STK32B: variants seen among roughly 807,000 people sequenced by gnomAD.
The protein encoded by STK32B is serine/threonine kinase 32B.
In STK32B, 43 loss-of-function variants were observed where a neutral mutation model predicts 52.6. That is an observed-to-expected ratio of 0.82 (90% confidence interval 0.64 to 1.05). The LOEUF is 1.05. Ranked by LOEUF, STK32B falls within the 50% of genes least tolerant of loss-of-function variation. The pLI is 0.00. For synonymous variants in STK32B, 238 were observed against 204.3 expected, an observed-to-expected ratio of 1.17 and a Z score of -1.41; for missense variants, 621 against 534.6, an observed-to-expected ratio of 1.16 and a Z score of -1.59.
intron 3 of STK32B, among the ~76,000 whole-genome samples, chr4:5,220,643 T>G (rs1181071036): frequency 6.6e-6 from 1 of 152,162 alleles, no homozygotes; most frequent in Non-Finnish European, 1.5e-5. Context: ...ATGTGAGCCT[T>G]AGGAATTTAG....
intron 11 of STK32B, among the ~76,000 whole-genome samples, chr4:5,494,090 T>G (rs1304628802): frequency 6.6e-6 from 1 of 152,186 alleles, no homozygotes; most frequent in African/African-American, 2.4e-5. Context: ...AGATGTCTAT[T>G]AGGTCCACTT....
At chr4:5,192,114 G>A (rs1034864150) in intron 3 of STK32B, among the ~76,000 whole-genome samples, 2 of 152,238 alleles carry the variant, frequency 1.3e-5, no homozygotes, top group Non-Finnish European at 2.9e-5. Context: ...GGCTTCTATT[G>A]TGGAGAACAC....
chr4:5,397,806 T>C (rs1012754783), intron 4 of STK32B, among the ~76,000 whole-genome samples: 2 of 152,214 alleles, frequency 1.3e-5, no homozygotes, highest in Non-Finnish European at 2.9e-5. Flanking sequence ...CAAACCCTCA[T>C]TGAGCTCGAG....
chr4:5,393,017 C>T (rs932631231), intron 4 of STK32B, among the ~76,000 whole-genome samples: 2 of 152,202 alleles, frequency 1.3e-5, no homozygotes, highest in African/African-American at 4.8e-5. Context: ...TTAATTGTCA[C>T]TCAGTTTCTA....
intron 1 of STK32B, among the ~76,000 whole-genome samples, chr4:5,052,712 C>T (rs1741838239): frequency 6.6e-6 from 1 of 152,118 alleles, no homozygotes; most frequent in Non-Finnish European, 1.5e-5. Context: ...ACTAGTAATC[C>T]ACGTGAAAAG....
intron 2 of STK32B, among the ~76,000 whole-genome samples, chr4:5,149,516 C>T (rs187881796): frequency 1.4e-4 from 21 of 151,834 alleles, no homozygotes; most frequent in African/African-American, 4.6e-4. Flanking sequence ...AAAATTGTTG[C>T]TCTAAAGGAT....
At chr4:5,322,620 G>T (rs1452720026) in intron 3 of STK32B, among the ~76,000 whole-genome samples, 1 of 152,228 alleles carries the variant, frequency 6.6e-6, no homozygotes, top group Non-Finnish European at 1.5e-5. Flanking sequence ...GTTTCAAATA[G>T]TTCAAGTGGC....
At chr4:5,094,708 A>G (rs1411983343) in intron 1 of STK32B, among the ~76,000 whole-genome samples, 1 of 152,144 alleles carries the variant, frequency 6.6e-6, no homozygotes, top group Non-Finnish European at 1.5e-5. Context: ...GTGTTAATCT[A>G]TGGTTTATGT....
intron 3 of STK32B, among the ~76,000 whole-genome samples, chr4:5,304,249 A>ATT (rs1199164297): frequency 1.3e-5 from 2 of 152,036 alleles, no homozygotes; most frequent in South Asian, 2.1e-4. Context: ...ATTGCATTGA[A>ATT]TTTGTACATT....
the STK32B span, among the ~76,000 whole-genome samples, chr4:5,024,761 T>C: frequency 3.9e-5 from 6 of 152,210 alleles, no homozygotes; most frequent in African/African-American, 1.2e-4. Context: ...AGCCAGAGTA[T>C]TGGGGACTCT....
At chr4:5,097,988 A>G (rs554392980) in intron 1 of STK32B, among the ~76,000 whole-genome samples, 8 of 152,334 alleles carry the variant, frequency 5.3e-5, no homozygotes, top group African/African-American at 1.9e-4. Context: ...AGTCTATAAC[A>G]GCCTTGGCCG....
chr4:5,387,885 C>T (rs996955951), intron 4 of STK32B, among the ~76,000 whole-genome samples: 1 of 152,158 alleles, frequency 6.6e-6, no homozygotes, highest in Non-Finnish European at 1.5e-5. Flanking sequence ...GCCAGGATTA[C>T]AGGCTCCTGC....
At chr4:5,182,685 C>T (rs974185189) in intron 3 of STK32B, among the ~76,000 whole-genome samples, 8 of 152,142 alleles carry the variant, frequency 5.3e-5, no homozygotes, top group Non-Finnish European at 1.0e-4. Flanking sequence ...TCTCGAACTC[C>T]TGACCTCAGG....
At chr4:5,487,164 A>T (rs1047497335) in intron 11 of STK32B, among the ~76,000 whole-genome samples, 2 of 152,326 alleles carry the variant, frequency 1.3e-5, no homozygotes, top group African/African-American at 2.4e-5. Context: ...TCTCTGTCCC[A>T]TGTTGCAGGG....
chr4:5,295,769 T>A (rs1577306973), intron 3 of STK32B, among the ~76,000 whole-genome samples: 2 of 152,296 alleles, frequency 1.3e-5, no homozygotes, highest in East Asian at 3.9e-4. Context: ...CTCTATCTCC[T>A]TCATTTCTGC....
intron 3 of STK32B, among the ~76,000 whole-genome samples, chr4:5,175,382 A>C (rs1450324996): frequency 2.6e-5 from 4 of 152,070 alleles, no homozygotes; most frequent in Non-Finnish European, 4.4e-5. Context: ...AGGCACTCTG[A>C]TTTTTAGAGT....
chr4:5,449,419 G>A (rs1234194249), intron 7 of STK32B, among the ~76,000 whole-genome samples: 1 of 152,172 alleles, frequency 6.6e-6, no homozygotes, highest in African/African-American at 2.4e-5. Flanking sequence ...AAAATAATGG[G>A]TGGAAAATTG....
intron 3 of STK32B, among the ~76,000 whole-genome samples, chr4:5,257,387 G>A (rs369631690): frequency 1.3e-5 from 2 of 152,294 alleles, no homozygotes; most frequent in South Asian, 2.1e-4. Flanking sequence ...GAATGAGTGA[G>A]TGAATGAATG....
At chr4:5,270,034 G>A (rs1208343103) in intron 3 of STK32B, among the ~76,000 whole-genome samples, 1 of 152,108 alleles carries the variant, frequency 6.6e-6, no homozygotes, top group Non-Finnish European at 1.5e-5. Flanking sequence ...AGAAGCAGAA[G>A]AAACATTTGA....
Sources: gnomAD v4.1 joint callset for allele counts (sites outside exome capture counted in the v4.1 genomes callset) on GRCh38, gnomAD v4.1.1 for gene constraint, MANE v1.5 for transcripts, NCBI Gene and HGNC (gene_info 2026-07-23, HGNC 2026-07-21) for gene names.